GDPD4: variants seen among roughly 807,000 people sequenced by gnomAD.
The protein encoded by GDPD4 is glycerophosphodiester phosphodiesterase domain containing 4.
GDPD4 carries 60 observed loss-of-function variants against 67.8 expected under a neutral mutation model. The observed-to-expected ratio is 0.88, with a 90% CI of 0.72 to 1.10. The LOEUF is 1.10. Ranked by LOEUF, GDPD4 falls within the 50% of genes least tolerant of loss-of-function variation. The pLI, the probability that GDPD4 is intolerant of heterozygous loss-of-function variation, is 0.00. For missense variants in GDPD4, 623 were observed against 613.9 expected, an observed-to-expected ratio of 1.01 and a Z score of -0.16; for synonymous variants, 212 against 210.9, an observed-to-expected ratio of 1.00 and a Z score of -0.04.
intron 14 of GDPD4, among the ~76,000 whole-genome samples, chr11:77,232,756 C>T (rs889515077): frequency 1.3e-5 from 2 of 152,202 alleles, no homozygotes; most frequent in Non-Finnish European, 2.9e-5. Flanking sequence ...AAGATGATAA[C>T]AGTGGCCAAT....
At chr11:77,262,358 G>A (rs1398281617) in intron 10 of GDPD4, among the ~76,000 whole-genome samples, 1 of 152,122 alleles carries the variant, frequency 6.6e-6, no homozygotes, top group Non-Finnish European at 1.5e-5. Flanking sequence ...CACACTTCAG[G>A]ACTGAGGGAT....
At chr11:77,248,361 C>G (rs1036131382) in intron 11 of GDPD4, among the ~76,000 whole-genome samples, 9 of 151,784 alleles carry the variant, frequency 5.9e-5, no homozygotes, top group African/African-American at 2.2e-4. Flanking sequence ...CACGATGACG[C>G]CCAGCTCATT....
At chr11:77,276,772 G>A (rs987867948) in intron 4 of GDPD4, among the ~76,000 whole-genome samples, 2 of 152,114 alleles carry the variant, frequency 1.3e-5, no homozygotes, top group African/African-American at 4.8e-5. Flanking sequence ...ATTGAGAACT[G>A]GAGTCCTCAG....
chr11:77,245,452 T>C lies in GDPD4; in HGVS notation c.915A>G (p.Arg305=). 6.2e-7 allele frequency: 1 copy of C among 1,614,040 alleles called. No homozygotes were observed. The highest frequency in any genetic ancestry group is 2.2e-5 in the East Asian group (1 of 44,882). ...GTGTTGGAATTGACTGATTTCTTGCTCTTTCTTTATCTGCCTCTGATAGAG... is the reference window on the plus strand; with the variant it reads ...GTGTTGGAATTGACTGATTTCTTGCCCTTTCTTTATCTGCCTCTGATAGAG... ...MKPLSEADKE[R]ARNQSIPTLA... The change falls in exon 12 of 17, where the codon AGA becomes AGG. Residue 305 remains arginine, a synonymous_variant. Transcript: ENST00000315938.
intron 8 of GDPD4, among the ~76,000 whole-genome samples, 185 bp downstream of exon 8, chr11:77,269,698 T>C (rs1620915): frequency 0.74 from 112,736 of 151,626 alleles, 43,048 homozygotes; most frequent in African/African-American, 0.93. Flanking sequence ...CCCTCTTTCC[T>C]TCCCTCCCTC....
chr11:77,289,662 C>T (rs1937699039), intron 1 of GDPD4, among the ~76,000 whole-genome samples: 1 of 151,188 alleles, frequency 6.6e-6, no homozygotes, highest in South Asian at 2.1e-4. Flanking sequence ...ACCTGGAAGG[C>T]GGAGGTTGCA....
At chr11:77,280,779 T>C (rs1471883356) in intron 3 of GDPD4, among the ~76,000 whole-genome samples, 3 of 152,222 alleles carry the variant, frequency 2.0e-5, no homozygotes, top group Non-Finnish European at 4.4e-5. Flanking sequence ...TCTCTCTCCC[T>C]CTACTTCTTC....
chr11:77,220,192 C>A (rs1221778869), intron 16 of GDPD4, among the ~76,000 whole-genome samples: 1 of 152,136 alleles, frequency 6.6e-6, no homozygotes, highest in Non-Finnish European at 1.5e-5. Context: ...AATTGAATAC[C>A]CTTTATTTCT....
chr11:77,255,929 T>C (rs1357098749), intron 11 of GDPD4, among the ~76,000 whole-genome samples: 2 of 152,072 alleles, frequency 1.3e-5, no homozygotes, highest in African/African-American at 2.4e-5. Context: ...TAATAAGTTA[T>C]TAAGTATTAA....
chr11:77,257,552 TAC>T (rs71043563), intron 11 of GDPD4, among the ~76,000 whole-genome samples: 41,870 of 134,030 alleles, frequency 0.31, 6,621 homozygotes, highest in East Asian at 0.42. Flanking sequence ...CTCCCTCTCC[TAC>T]ACACACACAC....
At chr11:77,228,074 G>C (rs1224266753) in intron 15 of GDPD4, among the ~76,000 whole-genome samples, 158 bp from the exon 16 acceptor site, 1 of 152,160 alleles carries the variant, frequency 6.6e-6, no homozygotes, top group African/African-American at 2.4e-5. Flanking sequence ...TTCTTCTACA[G>C]ATAAAAAGAT....
intron 16 of GDPD4, 130 bp downstream of exon 16, chr11:77,227,734 C>A: frequency 9.9e-5 from 58 of 588,434 alleles, no homozygotes; most frequent in East Asian, 1.7e-4. Flanking sequence ...CCCCTGGTCC[C>A]TCCCCCAACC....
At chr11:77,235,970 A>AC (rs1053010798) in intron 13 of GDPD4, among the ~76,000 whole-genome samples, 5 of 151,504 alleles carry the variant, frequency 3.3e-5, no homozygotes, top group Admixed American at 6.6e-5. Flanking sequence ...AAAAACAAAA[A>AC]AAAAACAAAA....
intron 13 of GDPD4, among the ~76,000 whole-genome samples, chr11:77,242,281 A>AT (rs1958682598): frequency 6.6e-6 from 1 of 152,222 alleles, no homozygotes; most frequent in East Asian, 1.9e-4. Flanking sequence ...CTATAAATAT[A>AT]TACAGTTATG....
chr11:77,235,009 G>GGTTTTTTTTTTTTTTT (rs1958524240), intron 13 of GDPD4, among the ~76,000 whole-genome samples: 1 of 52,256 alleles, frequency 1.9e-5, no homozygotes, highest in Non-Finnish European at 3.7e-5. Flanking sequence ...GTCAATATCT[G>GGTTTTTTTTTTTTTTT]TTTTTTTTTT....
At chr11:77,234,056 A>T (rs529556779) in intron 13 of GDPD4, among the ~76,000 whole-genome samples, 26 of 152,132 alleles carry the variant, frequency 1.7e-4, no homozygotes, top group African/African-American at 4.6e-4. Context: ...CCTTCAAAAA[A>T]TTTTTTCAAC....
At chr11:77,219,491 T>C (rs899832730) in intron 16 of GDPD4, among the ~76,000 whole-genome samples, 20 of 152,224 alleles carry the variant, frequency 1.3e-4, no homozygotes, top group African/African-American at 4.3e-4. Context: ...GGTTTTCTTC[T>C]AGGGTTTTTA....
chr11:77,227,147 C>G (rs1321263944), intron 16 of GDPD4, among the ~76,000 whole-genome samples: 1 of 152,276 alleles, frequency 6.6e-6, no homozygotes, highest in East Asian at 1.9e-4. Flanking sequence ...TGTGATCATC[C>G]TCACAACCCT....
At chr11:77,225,445 A>G (rs2135822717) in intron 16 of GDPD4, among the ~76,000 whole-genome samples, 1 of 152,308 alleles carries the variant, frequency 6.6e-6, no homozygotes, top group African/African-American at 2.4e-5. Flanking sequence ...ATTTGATGAA[A>G]ATTATACTCT....
Sources: allele counts gnomAD v4.1 joint callset (sites outside exome capture counted in the v4.1 genomes callset), GRCh38; gene constraint gnomAD v4.1.1; transcripts MANE v1.5; gene names NCBI Gene and HGNC (gene_info 2026-07-23, HGNC 2026-07-21).